The following ZNF562 variants were observed in gnomAD, a reference collection of about 807,000 sequenced individuals.
ZNF562 encodes zinc finger protein 562.
In ZNF562, 13 loss-of-function variants were observed where a neutral mutation model predicts 17.5. The observed-to-expected ratio is 0.74, with a 90% CI of 0.48 to 1.18. The LOEUF (loss-of-function observed/expected upper bound fraction) is 1.18. ZNF562 is among the 50% of genes most tolerant of loss of function. ZNF562 has a pLI of 0.00. For synonymous variants in ZNF562, 163 were observed against 165.4 expected, an observed-to-expected ratio of 0.99 and a Z score of 0.11; for missense variants, 481 against 498.5, an observed-to-expected ratio of 0.96 and a Z score of 0.33.
Position 9,646,966 on chromosome 19 carries a change from C to A in ZNF562, c.*5983G>T, listed in dbSNP as rs2074811336. On this transcript the variant is annotated 3_prime_UTR_variant, in exon 6 of 6. Transcript: ENST00000453372. ...TTATTTTTTGAATTTTTAGTAGAGA[C>A]AAAAGTTTCACCGCATTGGCCAGGC... 6.6e-6 allele frequency: 1 copy of A among 151,372 alleles called. No individual in the cohort carries two copies. Among genetic ancestry groups the A allele is most frequent in the Non-Finnish European group, 1.5e-5 (1 of 67,864 alleles). 9.4% of individuals were successfully genotyped at this position (151,372 alleles called of 1,614,324 possible).
chr19:9,657,067 G>A (rs1255875342), intron 4 of ZNF562, among the ~76,000 whole-genome samples: 4 of 146,844 alleles, frequency 2.7e-5, no homozygotes, highest in Non-Finnish European at 6.0e-5. Context: ...AAGAAAACAA[G>A]AGAACCTTGA....
chr19:9,653,627 T>A lies in ZNF562; in HGVS notation c.603A>T (p.Arg201Ser). 6.2e-7 allele frequency: 1 copy of A among 1,614,108 alleles called. No individual in the cohort carries two copies. The highest frequency in any genetic ancestry group is 8.5e-7 in the Non-Finnish European group (1 of 1,179,936). The stretch of plus-strand genomic sequence containing the variant: ...CACATTCCTTACATTTGTAGGGTTG[T>A]CTTCCATTGAGAATTTCAAGATGCA... ...LAVHLEILNG[R>S]QPYKCKECGK... The change falls in exon 6 of 6, where the codon AGA becomes AGT. Residue 201 changes from arginine to serine, a missense_variant. Arg to Ser is a moderately radical substitution (Grantham distance 110, BLOSUM62 -1). Transcript: ENST00000453372.
At chr19:9,659,597 TC>T in intron 2 of ZNF562, 130 bp from the exon 3 acceptor site, 1 of 1,160,964 alleles carries the variant, frequency 8.6e-7, no homozygotes, top group South Asian at 1.6e-5. Flanking sequence ...ACACAACACT[TC>T]CATGAAATGC....
intron 1 of ZNF562, among the ~76,000 whole-genome samples, chr19:9,661,730 G>C (rs910010920): frequency 6.6e-6 from 1 of 152,144 alleles, no homozygotes; most frequent in Non-Finnish European, 1.5e-5. Flanking sequence ...GGGAGGTGGA[G>C]GTTGCAGTGA....
At chr19:9,661,420 G>C (rs1380755429) in intron 1 of ZNF562, among the ~76,000 whole-genome samples, 1 of 152,168 alleles carries the variant, frequency 6.6e-6, no homozygotes, top group African/African-American at 2.4e-5. Context: ...CCAGGTTCAA[G>C]TGATTATCAG....
rs2144950520 is a variant in ZNF562 at position 9,650,455 on chromosome 19, G to A, written c.*2494C>T. 2 of 150,110 alleles carry A rather than the reference G, an allele frequency of 1.3e-5. No homozygotes were observed. The highest frequency in any genetic ancestry group is 1.3e-4 in the Admixed American group (2 of 14,994). The allele number at this position is 150,110 out of a possible 1,614,324, so 9.3% of individuals were successfully genotyped here. A position where few individuals can be genotyped will look rare whatever the true frequency, so the allele number is the denominator to read the frequency against. On this transcript the variant is annotated 3_prime_UTR_variant, in exon 6 of 6. Transcript: ENST00000453372. ...AGTGACCCCCCAAATTTCATATGAA[G>A]TTCCAAACCTCAATGTGACTGTATG...
rs1311713954 is a variant in ZNF562, at chr19:9,648,052, C to T, written c.*4897G>A. ...GAGCCACTATTCCCAACCTAGATGACTCTTATAGATTAAGAATTTAGAAAT... is the reference window on the plus strand; with the variant it reads ...GAGCCACTATTCCCAACCTAGATGATTCTTATAGATTAAGAATTTAGAAAT... On this transcript the variant is annotated 3_prime_UTR_variant, in exon 6 of 6. Coordinates refer to ENST00000453372, the MANE Select transcript of ZNF562 (RefSeq NM_001130031.2). 6.6e-6 allele frequency: 1 copy of T among 152,044 alleles called. No individual in the cohort carries two copies. Among genetic ancestry groups the T allele is most frequent in the East Asian group, 1.9e-4 (1 of 5,166 alleles). 9.4% of individuals were successfully genotyped at this position (152,044 alleles called of 1,614,324 possible).
rs771720733 is a variant in ZNF562 at position 9,648,014 on chromosome 19, G to C, written c.*4935C>G. 1 of 152,088 alleles carries C rather than the reference G, an allele frequency of 6.6e-6. No individual in the cohort carries two copies. The highest frequency in any genetic ancestry group is 2.4e-5 in the African/African-American group (1 of 41,386). The allele number at this position is 152,088 out of a possible 1,614,324, so 9.4% of individuals were successfully genotyped here. A position where few individuals can be genotyped will look rare whatever the true frequency, so the allele number is the denominator to read the frequency against. ...TTTGCCTCAGCCTCCAAAAGTGCTG[G>C]GATTACAGGCCTGAGCCACTATTCC... is the stretch of plus-strand genomic sequence containing the variant. On this transcript the variant is annotated 3_prime_UTR_variant, in exon 6 of 6. Coordinates refer to ENST00000453372, the MANE Select transcript of ZNF562 (RefSeq NM_001130031.2).
intron 1 of ZNF562, among the ~76,000 whole-genome samples, chr19:9,672,595 ATATTT>A (rs1568285342): frequency 6.6e-6 from 1 of 152,100 alleles, no homozygotes; most frequent in African/African-American, 2.4e-5. Flanking sequence ...CAGATACTAG[ATATTT>A]TATTACACTG....
rs1348536102 is a variant in ZNF562 at position 9,652,150 on chromosome 19, G to C, written c.*799C>G. On this transcript the variant is annotated 3_prime_UTR_variant, in exon 6 of 6. Coordinates refer to ENST00000453372, the MANE Select transcript of ZNF562 (RefSeq NM_001130031.2). ...AGCCATCTTAACAGAAGTGAGAAGA[G>C]AGACTGGATTATACTATAAGAGACA... 1 of 152,228 alleles carries C rather than the reference G, an allele frequency of 6.6e-6. No homozygotes were observed. Among genetic ancestry groups the C allele is most frequent in the Admixed American group, 6.5e-5 (1 of 15,282 alleles). 9.4% of individuals were successfully genotyped at this position (152,228 alleles called of 1,614,324 possible). A position where few individuals can be genotyped will look rare whatever the true frequency, so the allele number is the denominator to read the frequency against.
intron 1 of ZNF562, among the ~76,000 whole-genome samples, chr19:9,673,131 A>C (rs2044261053): frequency 6.6e-6 from 1 of 152,006 alleles, no homozygotes; most frequent in Non-Finnish European, 1.5e-5. Context: ...ACATCCCACC[A>C]TCATGACTCA....
rs1002733979 is a variant in ZNF562, at chr19:9,669,273, T to C, written c.-131+5742A>G. 1.6e-4 allele frequency among the ~76,000 whole-genome samples: 24 copies of C among 151,488 alleles called. No homozygotes were observed. The East Asian group carries it at 4.5e-3, about 28-fold the overall frequency. Reference sequence around the variant, plus strand: ...AAACTTGATAACAAAAAAAATCCGATAAAAAAATCAGCAAAAGGTCAGAAT... The same window carrying C: ...AAACTTGATAACAAAAAAAATCCGACAAAAAAATCAGCAAAAGGTCAGAAT... On this transcript the variant is annotated intron_variant, in intron 1 of 5. Transcript: ENST00000453372.
intron 1 of ZNF562, among the ~76,000 whole-genome samples, chr19:9,669,730 GCGCGCA>G (rs1248115973): frequency 0.014 from 1,211 of 86,876 alleles, 4 homozygotes; most frequent in South Asian, 0.019. Context: ...GCGCGCGCGC[GCGCGCA>G]CACACACACA....
rs374538542 is a variant in ZNF562 at position 9,664,270 on chromosome 19, C to T, written c.-130-3396G>A. 4.9e-4 allele frequency among the ~76,000 whole-genome samples: 75 copies of T among 152,242 alleles called. No homozygotes were observed. In the South Asian group the frequency reaches 0.013, roughly 27 times the overall value. Reference sequence around the variant, plus strand: ...TTTTAGTAGAGACTGTGTTTCTCCACGTTGGTCTGGATGGTCTGGAACTCC... The same window carrying T: ...TTTTAGTAGAGACTGTGTTTCTCCATGTTGGTCTGGATGGTCTGGAACTCC... On this transcript the variant is annotated intron_variant, in intron 1 of 5. Transcript: ENST00000453372.
rs2074885575 is a variant in ZNF562 at position 9,652,606 on chromosome 19, A to T, written c.*343T>A. 5.6e-6 allele frequency: 1 copy of T among 179,356 alleles called. No individual in the cohort carries two copies. The highest frequency in any genetic ancestry group is 1.2e-5 in the Non-Finnish European group (1 of 85,344). The allele number at this position is 179,356 out of a possible 1,614,324, so 11.1% of individuals were successfully genotyped here. ...CTTCACAGATGCCCAGACTCAGGTAACCATGATGTTGTATTCAGAACCTGT... is the reference window on the plus strand; with the variant it reads ...CTTCACAGATGCCCAGACTCAGGTATCCATGATGTTGTATTCAGAACCTGT... On this transcript the variant is annotated 3_prime_UTR_variant, in exon 6 of 6. Coordinates refer to ENST00000453372, the MANE Select transcript of ZNF562 (RefSeq NM_001130031.2).
At chr19:9,660,613 A>G in intron 2 of ZNF562, 107 bp downstream of exon 2, 8 of 1,181,168 alleles carry the variant, frequency 6.8e-6, no homozygotes, top group Non-Finnish European at 9.5e-6. Flanking sequence ...TCTAAAAGAA[A>G]AAAAAAAAAA....
intron 1 of ZNF562, among the ~76,000 whole-genome samples, chr19:9,668,060 ATT>A: frequency 6.6e-6 from 1 of 152,190 alleles, no homozygotes; most frequent in East Asian, 1.9e-4. Context: ...AAGTAATCAC[ATT>A]TACAATAGCT....
At chr19:9,667,584 G>T (rs2043996076) in intron 1 of ZNF562, among the ~76,000 whole-genome samples, 2 of 152,118 alleles carry the variant, frequency 1.3e-5, no homozygotes, top group African/African-American at 4.8e-5. Flanking sequence ...AGCCATGTTT[G>T]CCAATGACAT....
At chr19:9,655,949 T>C (rs1254945085) in intron 5 of ZNF562, among the ~76,000 whole-genome samples, 1 of 151,946 alleles carries the variant, frequency 6.6e-6, no homozygotes, top group Non-Finnish European at 1.5e-5. Flanking sequence ...GCCAGGCCTG[T>C]CTCAAACTCC....
Sources: gnomAD v4.1 joint callset for allele counts (sites outside exome capture counted in the v4.1 genomes callset) on GRCh38, gnomAD v4.1.1 for gene constraint, MANE v1.5 for transcripts, NCBI Gene and HGNC (gene_info 2026-07-23, HGNC 2026-07-21) for gene names.